The following INSL6 variants were observed in gnomAD, a reference collection of about 807,000 sequenced individuals.
INSL6 encodes the protein insulin like 6.
Under a neutral mutation model 9.4 loss-of-function variants are expected in INSL6, and 16 were observed. The ratio of observed to expected loss-of-function variants is 1.70; its 90% CI spans 1.15 to 2.59. INSL6 has a LOEUF of 2.59. Among genes scored for constraint, INSL6 ranks in the 30% most tolerant of loss-of-function variants. The pLI is 0.00. For synonymous variants in INSL6, 154 were observed against 96.9 expected (o/e 1.59, Z -3.46); for missense variants, 391 against 257.3 (o/e 1.52, Z -3.56).
intron 3 of INSL6, among the ~76,000 whole-genome samples, chr9:5,130,137 T>G (rs752794256): frequency 6.6e-6 from 1 of 152,126 alleles, no homozygotes; most frequent in Non-Finnish European, 1.5e-5. Flanking sequence ...TTTATTTACA[T>G]AGCAAATTGC....
chr9:5,158,683 G>T lies in INSL6; in HGVS notation c.376+5496C>A, dbSNP rs149585298. ...AGAAATACTTTCCCAGCCAAAAAAAGGAAGAAAGAAAAAAAGAAAAAATGC... is the reference window on the plus strand; with the variant it reads ...AGAAATACTTTCCCAGCCAAAAAAATGAAGAAAGAAAAAAAGAAAAAATGC... On this transcript the variant is annotated intron_variant, in intron 2 of 3. Coordinates refer to the INSL6 transcript ENST00000649639. 1.1e-3 allele frequency among the ~76,000 whole-genome samples: 174 copies of T among 151,922 alleles called. 1 individual carries two copies. The highest frequency in any genetic ancestry group is 3.8e-3 in the African/African-American group (159 of 41,446).
chr9:5,050,496 CCTGGG>C, the INSL6 span, among the ~76,000 whole-genome samples: 2 of 152,124 alleles, frequency 1.3e-5, no homozygotes, highest in Non-Finnish European at 2.9e-5. Context: ...GTCTCAAACT[CCTGGG>C]CTCAAGTGAT....
At chr9:5,000,769 TTTGA>T in the INSL6 span, among the ~76,000 whole-genome samples, 3 of 152,200 alleles carry the variant, frequency 2.0e-5, no homozygotes, top group Admixed American at 1.3e-4. Context: ...CATCTTCTTG[TTTGA>T]TATATTTGTA....
chr9:5,161,337 C>A, downstream of INSL6, among the ~76,000 whole-genome samples: 1 of 152,140 alleles, frequency 6.6e-6, no homozygotes. Context: ...ACCATATGAC[C>A]ATTTAAACTG....
chr9:5,048,388 G>A, the INSL6 span, among the ~76,000 whole-genome samples: 1 of 152,046 alleles, frequency 6.6e-6, no homozygotes, highest in Admixed American at 6.6e-5. Flanking sequence ...TCATCTGCCT[G>A]CCTTGGCCTT....
At chr9:5,143,621 G>GT (rs767387151) in intron 2 of INSL6, among the ~76,000 whole-genome samples, 9 of 147,244 alleles carry the variant, frequency 6.1e-5, no homozygotes, top group South Asian at 4.4e-4. Flanking sequence ...TATTTTATTA[G>GT]TTTTTTCAAA....
intron 2 of INSL6, among the ~76,000 whole-genome samples, chr9:5,139,508 T>A (rs570065158): frequency 1.5e-4 from 23 of 152,198 alleles, no homozygotes; most frequent in South Asian, 6.2e-4. Flanking sequence ...TAAAAAGAAG[T>A]GTTATTTAAA....
At chr9:5,178,883 T>C (rs149760932) in intron 1 of INSL6, among the ~76,000 whole-genome samples, 2,733 of 152,202 alleles carry the variant, frequency 0.018, 93 homozygotes, top group African/African-American at 0.063. Flanking sequence ...TAAAGACTTA[T>C]GTAAAACCCA....
chr9:5,089,537 CAAAAAAAAAAAAAAA>C, the INSL6 span: 49 of 87,062 alleles, frequency 5.6e-4, no homozygotes, highest in East Asian at 8.4e-3. Context: ...GACTTCGTCT[CAAAAAAAAAAAAAAA>C]AAAAAAAAAA....
chr9:5,048,120 T>A, the INSL6 span, among the ~76,000 whole-genome samples: 1 of 152,086 alleles, frequency 6.6e-6, no homozygotes, highest in African/African-American at 2.4e-5. Context: ...TGAGCAGAAT[T>A]TGTTATCTAC....
At chr9:5,021,984 C>G in the INSL6 span, 25 of 1,606,514 alleles carry the variant, frequency 1.6e-5, no homozygotes, top group East Asian at 2.2e-5. Context: ...GAAAAAGACT[C>G]TGCATGGGAA....
the INSL6 span, among the ~76,000 whole-genome samples, chr9:5,027,035 A>C: frequency 6.6e-6 from 1 of 152,080 alleles, no homozygotes; most frequent in Non-Finnish European, 1.5e-5. Flanking sequence ...AATTAAAACA[A>C]CTCCTTCTGT....
At chr9:5,172,958 C>G (rs1825216644) in intron 1 of INSL6, among the ~76,000 whole-genome samples, 1 of 151,366 alleles carries the variant, frequency 6.6e-6, no homozygotes, top group African/African-American at 2.4e-5. Flanking sequence ...GGGCAAAGGA[C>G]ATGAAAAGAC....
the INSL6 span, among the ~76,000 whole-genome samples, chr9:5,067,441 TA>T: frequency 6.6e-6 from 1 of 152,084 alleles, no homozygotes; most frequent in Middle Eastern, 3.2e-3. Context: ...CTTGCTTTTT[TA>T]AAACAGAGAA....
chr9:5,127,754 TA>T (rs1824092854), intron 3 of INSL6: 1 of 232,646 alleles, frequency 4.3e-6, no homozygotes, highest in Non-Finnish European at 8.5e-6. Flanking sequence ...GATTGTTTTT[TA>T]AAAATGGATA....
At chr9:5,126,266 G>A in intron 3 of INSL6, 1 of 1,150,876 alleles carries the variant, frequency 8.7e-7, no homozygotes, top group Non-Finnish European at 1.3e-6. Flanking sequence ...ATTGACTGGA[G>A]GAAATTGAGA....
chr9:5,085,965 C>T, the INSL6 span: 4 of 1,100,528 alleles, frequency 3.6e-6, no homozygotes, highest in South Asian at 4.9e-5. Context: ...GTATTTCTCA[C>T]CACTGTGTGT....
the INSL6 span, among the ~76,000 whole-genome samples, chr9:5,116,836 C>T: frequency 6.6e-6 from 1 of 152,152 alleles, no homozygotes. Context: ...TAGGAAAAGT[C>T]ATATGTATAA....
chr9:5,080,231 C>T, the INSL6 span: 7 of 1,608,574 alleles, frequency 4.4e-6, no homozygotes, highest in Non-Finnish European at 5.9e-6. Flanking sequence ...TTTAAAAGTT[C>T]TTCAGGAGAG....
Sources: allele counts gnomAD v4.1 joint callset (sites outside exome capture counted in the v4.1 genomes callset), GRCh38; gene constraint gnomAD v4.1.1; transcripts MANE v1.5; gene names NCBI Gene and HGNC (gene_info 2026-07-23, HGNC 2026-07-21).